CBFA2T2: variants seen among roughly 807,000 people sequenced by gnomAD.
The protein encoded by CBFA2T2 is CBFA2/RUNX1 partner transcriptional co-repressor 2, also known as protein CBFA2T2.
A neutral mutation model predicts 62.2 loss-of-function variants in CBFA2T2; 11 were observed. That is an observed-to-expected ratio of 0.18 (90% CI 0.11 to 0.29). The LOEUF is 0.29. Among genes scored for constraint, CBFA2T2 ranks in the 10% least tolerant of loss-of-function variants. The pLI, the probability that CBFA2T2 is intolerant of heterozygous loss-of-function variation, is 1.00. For synonymous variants in CBFA2T2, 295 were observed against 287.5 expected, an observed-to-expected ratio of 1.03 and a Z score of -0.27; for missense variants, 592 against 774.1, an observed-to-expected ratio of 0.76 and a Z score of 2.79.
At chr20:33,567,354 G>A (rs1403667268) in intron 1 of CBFA2T2, among the ~76,000 whole-genome samples, 1 of 152,166 alleles carries the variant, frequency 6.6e-6, no homozygotes, top group Non-Finnish European at 1.5e-5. Context: ...ATTATCTGCA[G>A]TTGTCTCTCG....
At chr20:33,627,611 A>G (rs895555676) in intron 6 of CBFA2T2, among the ~76,000 whole-genome samples, 1 of 152,192 alleles carries the variant, frequency 6.6e-6, no homozygotes, top group African/African-American at 2.4e-5. Context: ...GGCTGGGACT[A>G]TAGGCCCACC....
chr20:33,644,681 C>T lies in CBFA2T2; in HGVS notation c.*35C>T, dbSNP rs781128631. The T allele has an allele frequency of 5.1e-6, 8 of 1,561,000 alleles. No homozygotes were observed. The East Asian group carries it at 9.1e-5, about 18-fold the overall frequency. Reference sequence around the variant, plus strand: ...TCTGCTTACCCTGATGGCTGCTCAGCACCACAGAGTGCTTGGGCTGAGGGA... The same window carrying T: ...TCTGCTTACCCTGATGGCTGCTCAGTACCACAGAGTGCTTGGGCTGAGGGA... On this transcript the variant is annotated 3_prime_UTR_variant, in exon 11 of 11. Transcript: ENST00000342704.
At chr20:33,512,704 G>A (rs1421422790) in intron 1 of CBFA2T2, among the ~76,000 whole-genome samples, 1 of 151,304 alleles carries the variant, frequency 6.6e-6, no homozygotes, top group African/African-American at 2.4e-5. Flanking sequence ...TAGGAATAAC[G>A]CTGCAGGGAA....
chr20:33,536,729 G>T (rs1220263523), intron 1 of CBFA2T2, among the ~76,000 whole-genome samples: 1 of 150,320 alleles, frequency 6.7e-6, no homozygotes, highest in African/African-American at 2.5e-5. Flanking sequence ...CATCCCAGAC[G>T]GGGCGGCGGG....
At chr20:33,590,027 A>G (rs1024148170) in intron 1 of CBFA2T2, among the ~76,000 whole-genome samples, 4 of 151,956 alleles carry the variant, frequency 2.6e-5, no homozygotes, top group African/African-American at 9.7e-5. Flanking sequence ...CCAAGGTGGC[A>G]GGATCACTTG....
At chr20:33,611,446 A>G (rs375239143) in intron 3 of CBFA2T2, 111 bp downstream of exon 3, 1 of 1,242,570 alleles carries the variant, frequency 8.0e-7, no homozygotes, top group East Asian at 2.3e-5. Flanking sequence ...TCATATGGCA[A>G]ATGCTACAGA....
intron 9 of CBFA2T2, among the ~76,000 whole-genome samples, chr20:33,637,040 G>C (rs1047954506): frequency 6.6e-6 from 1 of 152,156 alleles, no homozygotes; most frequent in Non-Finnish European, 1.5e-5. Context: ...TTCACTGGTG[G>C]CTACAGTATA....
intron 1 of CBFA2T2, among the ~76,000 whole-genome samples, chr20:33,524,305 G>A (rs1365142334): frequency 2.0e-5 from 3 of 152,126 alleles, no homozygotes; most frequent in Non-Finnish European, 4.4e-5. Flanking sequence ...AGGCAGGAAA[G>A]AAAGAAAAGT....
At chr20:33,632,488 T>A (rs930944820) in intron 8 of CBFA2T2, among the ~76,000 whole-genome samples, 7 of 150,980 alleles carry the variant, frequency 4.6e-5, no homozygotes, top group Middle Eastern at 3.4e-3. Flanking sequence ...TTTTTTTTTT[T>A]AACAGAGTCT....
At chr20:33,624,654 C>G in intron 5 of CBFA2T2, 110 bp from the exon 6 acceptor site, 3 of 1,215,868 alleles carry the variant, frequency 2.5e-6, no homozygotes, top group South Asian at 1.4e-5. Flanking sequence ...TAGAGGCTTC[C>G]TGTTTATGCC....
intron 1 of CBFA2T2, among the ~76,000 whole-genome samples, chr20:33,492,221 A>G (rs925751541): frequency 2.0e-5 from 3 of 151,642 alleles, no homozygotes; most frequent in Admixed American, 6.6e-5. Context: ...GTTTCACCAT[A>G]TTGGTCAGGC....
At chr20:33,606,563 C>T (rs992276894) in intron 1 of CBFA2T2, among the ~76,000 whole-genome samples, 4 of 152,150 alleles carry the variant, frequency 2.6e-5, no homozygotes, top group South Asian at 2.1e-4. Context: ...TGGCATTCCT[C>T]GGTGTATAGA....
chr20:33,527,368 ATTTTTTTTTTTTTT>A lies in CBFA2T2; in HGVS notation c.34+37076_34+37089del, dbSNP rs66870528. ...AGGGCTGTGCCACCAGGCCCGACTG[ATTTTTTTTTTTTTT>A]TTTTTTTTGAGATGAATTCTTGTTC... is the stretch of plus-strand genomic sequence containing the variant. On this transcript the variant is annotated intron_variant, in intron 1 of 10. Transcript: ENST00000342704. 6.2e-4 allele frequency among the ~76,000 whole-genome samples: 46 copies of A among 74,456 alleles called. 2 individuals are homozygous for A. In the Admixed American group the frequency reaches 6.6e-3, roughly 11 times the overall value. The allele number at this position is 74,456 out of a possible 152,430, so 48.8% of individuals were successfully genotyped here.
At chr20:33,499,048 G>GAAAA (rs11406629) in intron 1 of CBFA2T2, among the ~76,000 whole-genome samples, 36 of 137,750 alleles carry the variant, frequency 2.6e-4, no homozygotes, top group Non-Finnish European at 4.4e-4. Context: ...CGTCTAAAAA[G>GAAAA]AAAAAAAAAA....
intron 2 of CBFA2T2, 66 bp from the exon 3 acceptor site, chr20:33,611,028 A>G (rs1270203301): frequency 2.5e-6 from 4 of 1,587,316 alleles, no homozygotes; most frequent in Middle Eastern, 1.7e-4. Flanking sequence ...TACAAACAAG[A>G]AAAAATGAAC....
At chr20:33,568,890 C>G (rs2013443683) in intron 1 of CBFA2T2, among the ~76,000 whole-genome samples, 1 of 152,168 alleles carries the variant, frequency 6.6e-6, no homozygotes, top group African/African-American at 2.4e-5. Flanking sequence ...CTGTATAGCT[C>G]AGTTGGCGCT....
intron 6 of CBFA2T2, among the ~76,000 whole-genome samples, chr20:33,626,799 T>C (rs1169803948): frequency 1.3e-5 from 2 of 152,132 alleles, no homozygotes; most frequent in Admixed American, 1.3e-4. Context: ...AGTAGCTGAA[T>C]AGGGAAGGCT....
intron 1 of CBFA2T2, among the ~76,000 whole-genome samples, chr20:33,538,133 GT>G (rs1321650479): frequency 6.6e-6 from 1 of 151,852 alleles, no homozygotes; most frequent in African/African-American, 2.4e-5. Flanking sequence ...TTTAATTAAT[GT>G]TTCTCAGTAG....
At chr20:33,587,199 C>T (rs1052432343) in intron 1 of CBFA2T2, among the ~76,000 whole-genome samples, 2 of 152,184 alleles carry the variant, frequency 1.3e-5, no homozygotes, top group South Asian at 2.1e-4. Context: ...CTGCCTTGGC[C>T]TCCCAAAGTG....
Sources: allele counts gnomAD v4.1 joint callset (sites outside exome capture counted in the v4.1 genomes callset), GRCh38; gene constraint gnomAD v4.1.1; transcripts MANE v1.5; gene names NCBI Gene and HGNC (gene_info 2026-07-23, HGNC 2026-07-21).